The following CNTNAP2 variants were observed in gnomAD, a reference collection of about 807,000 sequenced individuals.
CNTNAP2 encodes the protein contactin associated protein 2.
CNTNAP2 carries 98 observed loss-of-function variants against 155.2 expected under a neutral mutation model. The observed-to-expected ratio is 0.63, with a 90% confidence interval of 0.54 to 0.75. The LOEUF (loss-of-function observed/expected upper bound fraction) is 0.75. Ranked by LOEUF, CNTNAP2 falls within the 30% of genes least tolerant of loss-of-function variation. The pLI, the probability that CNTNAP2 is intolerant of heterozygous loss-of-function variation, is 0.00. For missense variants in CNTNAP2, 1,727 were observed against 1,688.1 expected (o/e 1.02, Z -0.40); for synonymous variants, 651 against 631.2 (o/e 1.03, Z -0.47).
intron 13 of CNTNAP2, among the ~76,000 whole-genome samples, chr7:147,880,227 G>A (rs549787330): frequency 1.3e-5 from 2 of 152,290 alleles, no homozygotes; most frequent in South Asian, 4.1e-4. Flanking sequence ...CCCATACACA[G>A]AGAAGGGTGG....
At chr7:148,365,107 C>T (rs757613940) in intron 21 of CNTNAP2, among the ~76,000 whole-genome samples, 1 of 152,164 alleles carries the variant, frequency 6.6e-6, no homozygotes, top group African/African-American at 2.4e-5. Context: ...CCACCAGTTC[C>T]GGACACACTT....
At chr7:147,395,524 T>C (rs1476550036) in intron 9 of CNTNAP2, 85 bp from the exon 10 acceptor site, 12 of 1,319,222 alleles carry the variant, frequency 9.1e-6, no homozygotes, top group Admixed American at 3.4e-5. Flanking sequence ...ATGTGATGGC[T>C]GTGGCCAGGT....
At chr7:146,382,002 T>C (rs150906921) in intron 1 of CNTNAP2, among the ~76,000 whole-genome samples, 8 of 152,336 alleles carry the variant, frequency 5.3e-5, no homozygotes, top group African/African-American at 1.9e-4. Flanking sequence ...ATGTTGTTAA[T>C]AAAGGAGTTG....
chr7:147,577,335 C>CT (rs754246164), intron 12 of CNTNAP2, among the ~76,000 whole-genome samples: 236 of 152,104 alleles, frequency 1.6e-3, no homozygotes, highest in Non-Finnish European at 1.8e-3. Flanking sequence ...TCTGTGTTCT[C>CT]CAGTAGATAG....
intron 13 of CNTNAP2, among the ~76,000 whole-genome samples, chr7:147,681,937 G>C (rs1282745414): frequency 6.6e-6 from 1 of 151,922 alleles, no homozygotes; most frequent in African/African-American, 2.4e-5. Flanking sequence ...GAATTACTCT[G>C]CTAGATTTGG....
intron 1 of CNTNAP2, among the ~76,000 whole-genome samples, chr7:146,650,994 G>T (rs1799901384): frequency 6.6e-6 from 1 of 151,850 alleles, no homozygotes; most frequent in Non-Finnish European, 1.5e-5. Context: ...GATAGTGACT[G>T]CACTCCAGCC....
chr7:147,366,781 G>GCACACA (rs71182194), intron 9 of CNTNAP2, among the ~76,000 whole-genome samples: 2,408 of 105,912 alleles, frequency 0.023, 31 homozygotes, highest in Middle Eastern at 0.049. Flanking sequence ...TTTGTTGCAC[G>GCACACA]CACACACACA....
At chr7:147,955,481 G>A (rs529450405) in intron 14 of CNTNAP2, among the ~76,000 whole-genome samples, 2 of 152,256 alleles carry the variant, frequency 1.3e-5, no homozygotes, top group South Asian at 4.1e-4. Context: ...AGTGAAAAAG[G>A]AAATTGATGT....
chr7:148,364,290 T>G (rs1331766320), intron 21 of CNTNAP2, among the ~76,000 whole-genome samples: 1 of 152,234 alleles, frequency 6.6e-6, no homozygotes. Flanking sequence ...GGTGGGGACA[T>G]GGAGAGTCTT....
At chr7:148,054,365 T>C (rs1802967777) in intron 15 of CNTNAP2, among the ~76,000 whole-genome samples, 1 of 151,612 alleles carries the variant, frequency 6.6e-6, no homozygotes. Flanking sequence ...TATGTATGCA[T>C]CTAGTAATCT....
intron 12 of CNTNAP2, among the ~76,000 whole-genome samples, chr7:147,605,272 A>C (rs2116867450): frequency 6.6e-6 from 1 of 152,276 alleles, no homozygotes; most frequent in East Asian, 1.9e-4. Context: ...TGAGCCTATG[A>C]AATCAACTGA....
At chr7:148,020,642 C>T (rs1011795863) in intron 15 of CNTNAP2, among the ~76,000 whole-genome samples, 4 of 152,236 alleles carry the variant, frequency 2.6e-5, no homozygotes, top group Admixed American at 6.5e-5. Context: ...GTCTACCCCA[C>T]AGTTTCAGTA....
chr7:147,668,222 C>T (rs970133417), intron 13 of CNTNAP2, among the ~76,000 whole-genome samples: 3 of 152,182 alleles, frequency 2.0e-5, no homozygotes, highest in Non-Finnish European at 4.4e-5. Flanking sequence ...GAAGTTTTTA[C>T]AGACCTCAAC....
chr7:147,702,055 G>GTTT (rs553693695), intron 13 of CNTNAP2, among the ~76,000 whole-genome samples: 41 of 111,882 alleles, frequency 3.7e-4, no homozygotes, highest in African/African-American at 1.2e-3. Context: ...ACTTTGGTTG[G>GTTT]TTTTTTTTTT....
At chr7:147,567,469 C>T (rs1380981855) in intron 12 of CNTNAP2, among the ~76,000 whole-genome samples, 1 of 152,066 alleles carries the variant, frequency 6.6e-6, no homozygotes, top group Non-Finnish European at 1.5e-5. Flanking sequence ...AAAGGACACC[C>T]AGAGATAAGA....
chr7:147,140,342 C>T (rs182451575), intron 8 of CNTNAP2, among the ~76,000 whole-genome samples: 188 of 152,012 alleles, frequency 1.2e-3, no homozygotes, highest in African/African-American at 4.5e-3. Context: ...GCTGCCTGTT[C>T]CCTGCCTGGA....
At chr7:147,329,871 A>G (rs890314355) in intron 9 of CNTNAP2, among the ~76,000 whole-genome samples, 1 of 152,140 alleles carries the variant, frequency 6.6e-6, no homozygotes, top group Non-Finnish European at 1.5e-5. Flanking sequence ...AGTCTTCAAG[A>G]GGCAACCCTA....
In CNTNAP2 at chr7:146,525,135, G is replaced by A. The variant is rs190075437; in HGVS notation, c.98-249136G>A. On this transcript the variant is annotated intron_variant, in intron 1 of 23. Coordinates refer to ENST00000361727, the MANE Select transcript of CNTNAP2 (RefSeq NM_014141.6). ...GGAATAAGTTGATCATGGTTAGGTAGATTATAATTTTATTATTACTTGGTA... is the reference window on the plus strand; with the variant it reads ...GGAATAAGTTGATCATGGTTAGGTAAATTATAATTTTATTATTACTTGGTA... 2.4e-3 allele frequency among the ~76,000 whole-genome samples: 362 copies of A among 151,990 alleles called. 4 individuals carry two copies. The highest frequency in any genetic ancestry group is 8.4e-3 in the African/African-American group (347 of 41,512).
At chr7:148,064,050 CT>C (rs1803208643) in intron 15 of CNTNAP2, among the ~76,000 whole-genome samples, 1 of 152,064 alleles carries the variant, frequency 6.6e-6, no homozygotes, top group African/African-American at 2.4e-5. Flanking sequence ...AAGTATTTGA[CT>C]TTTTTTCTGG....
Sources: allele counts gnomAD v4.1 joint callset (sites outside exome capture counted in the v4.1 genomes callset), GRCh38; gene constraint gnomAD v4.1.1; transcripts MANE v1.5; gene names NCBI Gene and HGNC (gene_info 2026-07-23, HGNC 2026-07-21).